The following TCF4 variants were observed in gnomAD, a reference collection of about 807,000 sequenced individuals.
TCF4 encodes transcription factor 4, also known as SL3-3 enhancer factor 2.
In TCF4, 3 loss-of-function variants were observed where a neutral mutation model predicts 82.1. The ratio of observed to expected loss-of-function variants is 0.04; its 90% CI spans 0.02 to 0.09. TCF4 has a LOEUF of 0.09. Ranked by LOEUF, TCF4 falls within the 10% of genes least tolerant of loss-of-function variation. The probability of loss-of-function intolerance (pLI) is 1.00; values close to 1 mark genes in which losing one functional copy is unlikely to be tolerated. For missense variants in TCF4, 518 were observed against 852.7 expected, an observed-to-expected ratio of 0.61 and a Z score of 4.89; for synonymous variants, 276 against 309.6, an observed-to-expected ratio of 0.89 and a Z score of 1.14.
intron 2 of TCF4, chr18:55,586,167 GCAGC>G: frequency 2.6e-6 from 1 of 382,024 alleles, no homozygotes; most frequent in Non-Finnish European, 3.6e-6. Context: ...AGCAGCAGCA[GCAGC>G]AGCAGCAGCA....
intron 8 of TCF4, among the ~76,000 whole-genome samples, chr18:55,318,364 G>C (rs925786019): frequency 1.3e-5 from 2 of 151,916 alleles, no homozygotes; most frequent in African/African-American, 4.8e-5. Context: ...TTTGATACAA[G>C]CTTGTATTTC....
chr18:55,416,233 A>T (rs565372213), intron 5 of TCF4, among the ~76,000 whole-genome samples: 51 of 152,344 alleles, frequency 3.3e-4, no homozygotes, highest in Non-Finnish European at 6.9e-4. Flanking sequence ...TGTTGAAACA[A>T]TAGCACAAAT....
chr18:55,572,072 G>A (rs1190797448), intron 3 of TCF4, among the ~76,000 whole-genome samples: 2 of 152,138 alleles, frequency 1.3e-5, no homozygotes, highest in Non-Finnish European at 2.9e-5. Flanking sequence ...CAATTCACCT[G>A]CAGTGGGCAT....
intron 5 of TCF4, among the ~76,000 whole-genome samples, chr18:55,436,539 T>C (rs2095333342): frequency 2.6e-5 from 4 of 152,328 alleles, no homozygotes; most frequent in Admixed American, 2.6e-4. Context: ...TGCATCTTAA[T>C]TTTCTTAAAT....
At chr18:55,435,271 A>T (rs2095305366) in intron 5 of TCF4, among the ~76,000 whole-genome samples, 1 of 152,250 alleles carries the variant, frequency 6.6e-6, no homozygotes, top group African/African-American at 2.4e-5. Flanking sequence ...TGAGTTAAGA[A>T]TAAGTCTATC....
intron 3 of TCF4, among the ~76,000 whole-genome samples, chr18:55,581,990 A>G (rs900870259): frequency 6.6e-6 from 1 of 152,160 alleles, no homozygotes; most frequent in Non-Finnish European, 1.5e-5. Context: ...TACATGTAAC[A>G]GATGTGACCA....
chr18:55,488,263 G>T (rs2096538550), intron 3 of TCF4, among the ~76,000 whole-genome samples: 1 of 152,134 alleles, frequency 6.6e-6, no homozygotes. Context: ...TTCCGTTTTG[G>T]TGTCCGTATT....
At position 55,480,298 on chromosome 18, in the gene TCF4, C is replaced by CG. The variant is rs1249984705; in HGVS notation, c.146-16162dup. Reference sequence around the variant, plus strand: ...CTCCAAAAAAAAAAAAAAAAAAAAGCGGGGGGGCGGGGGGAGGATATTATG... The same window carrying CG: ...CTCCAAAAAAAAAAAAAAAAAAAAGCGGGGGGGGCGGGGGGAGGATATTATG... On this transcript the variant is annotated intron_variant, in intron 3 of 19. Coordinates refer to ENST00000354452, the MANE Select transcript of TCF4 (RefSeq NM_001083962.2). Among the ~76,000 whole-genome samples the CG allele has an allele frequency of 7.9e-4, 22 of 27,764 alleles. 2 individuals carry two copies. The highest frequency in any genetic ancestry group is 1.9e-3 in the Admixed American group (4 of 2,144). The allele number at this position is 27,764 out of a possible 152,430, so 18.2% of individuals were successfully genotyped here. A position where few individuals can be genotyped will look rare whatever the true frequency, so the allele number is the denominator to read the frequency against.
At chr18:55,541,435 G>A (rs1357149868) in intron 3 of TCF4, among the ~76,000 whole-genome samples, 5 of 151,932 alleles carry the variant, frequency 3.3e-5, no homozygotes, top group African/African-American at 1.2e-4. Flanking sequence ...TTCTGTATGT[G>A]AACTGAAAAC....
chr18:55,309,829 A>G (rs2071704149), intron 8 of TCF4, among the ~76,000 whole-genome samples: 1 of 152,202 alleles, frequency 6.6e-6, no homozygotes, highest in South Asian at 2.1e-4. Flanking sequence ...AAATACTGAG[A>G]GTGCAACACA....
At position 55,367,645 on chromosome 18, in the gene TCF4, A is replaced by C. The variant is rs559786934; in HGVS notation, c.370-16642T>G. Among the ~76,000 whole-genome samples the C allele has an allele frequency of 3.9e-5, 6 of 152,328 alleles. No individual in the cohort carries two copies. The South Asian group carries it at 1.2e-3, about 32-fold the overall frequency. On this transcript the variant is annotated intron_variant, in intron 6 of 19. Transcript: ENST00000354452. ...TAACTGACAAATCAACGTCCTCCTC[A>C]TTTATGAATGTGCAGGAAAACATGA...
intron 15 of TCF4, among the ~76,000 whole-genome samples, chr18:55,242,696 G>A (rs2051667777): frequency 6.6e-6 from 1 of 150,842 alleles, no homozygotes; most frequent in South Asian, 2.1e-4. Flanking sequence ...TGCAACCTCC[G>A]CCTCCCGGGT....
Position 55,228,819 on chromosome 18 carries a change from CTCTGCAAGGAG to C in TCF4, c.1879+17_1879+27del. ...GTGCCTGCCACAAGCTCCTCACGAG[CTCTGCAAGGAG>C]GCTGGCCTGCACTGACCTCGGACTT... On this transcript the variant is annotated intron_variant, in intron 18 of 19. Transcript: ENST00000354452. 1 of 1,612,608 alleles carries C rather than the reference CTCTGCAAGGAG, an allele frequency of 6.2e-7. No homozygotes were observed. Among genetic ancestry groups the C allele is most frequent in the African/African-American group, 1.3e-5 (1 of 75,024 alleles).
intron 15 of TCF4, among the ~76,000 whole-genome samples, chr18:55,241,805 A>G (rs1251209547): frequency 6.6e-6 from 1 of 152,056 alleles, no homozygotes; most frequent in African/African-American, 2.4e-5. Context: ...CTTTCCAAAT[A>G]CTCATCTTTT....
chr18:55,272,728 C>A (rs139028200), intron 10 of TCF4, among the ~76,000 whole-genome samples: 1 of 152,132 alleles, frequency 6.6e-6, no homozygotes, highest in East Asian at 1.9e-4. Context: ...CCATACATGA[C>A]GTCATGTTTA....
At chr18:55,418,003 ATGTGTGTGTG>A (rs201657057) in intron 5 of TCF4, among the ~76,000 whole-genome samples, 16,480 of 143,396 alleles carry the variant, frequency 0.11, 1,019 homozygotes, top group African/African-American at 0.16. Context: ...TCTTGAGCAA[ATGTGTGTGTG>A]TGTGTGTGTG....
At chr18:55,375,928 A>G (rs1471693887) in intron 6 of TCF4, among the ~76,000 whole-genome samples, 1 of 151,756 alleles carries the variant, frequency 6.6e-6, no homozygotes, top group African/African-American at 2.4e-5. Flanking sequence ...TGATCTCCAG[A>G]TTAAGTCCTT....
intron 3 of TCF4, among the ~76,000 whole-genome samples, chr18:55,573,355 A>T (rs1435803740): frequency 6.6e-6 from 1 of 151,952 alleles, no homozygotes; most frequent in African/African-American, 2.4e-5. Flanking sequence ...ACCTAAAGGT[A>T]CAGATTTCAA....
At chr18:55,331,988 C>T (rs1430580250) in intron 8 of TCF4, 1 of 152,176 alleles carries the variant, frequency 6.6e-6, no homozygotes, top group African/African-American at 2.4e-5. Flanking sequence ...ATGCTAAAGG[C>T]ATAAAGATGG....
Sources: gnomAD v4.1 joint callset for allele counts (sites outside exome capture counted in the v4.1 genomes callset) on GRCh38, gnomAD v4.1.1 for gene constraint, MANE v1.5 for transcripts, NCBI Gene and HGNC (gene_info 2026-07-23, HGNC 2026-07-21) for gene names.